The following GNG7 variants were observed in gnomAD, a reference collection of about 807,000 sequenced individuals.
GNG7 encodes guanine nucleotide-binding protein G(I)/G(S)/G(O) subunit gamma-7.
In GNG7, 1 loss-of-function variant was observed where a neutral mutation model predicts 4.0. The observed-to-expected ratio is 0.25, with a 90% confidence interval of 0.09 to 1.18. GNG7 has a LOEUF of 1.18. GNG7 is among the 50% of genes most tolerant of loss of function. The pLI is 0.50. For missense variants in GNG7, 86 were observed against 91.9 expected (o/e 0.94, Z 0.26); for synonymous variants, 34 against 36.9 (o/e 0.92, Z 0.29).
chr19:2,685,264 G>T (rs915141368), intron 1 of GNG7, among the ~76,000 whole-genome samples: 2 of 152,128 alleles, frequency 1.3e-5, no homozygotes, highest in African/African-American at 4.8e-5. Flanking sequence ...ACAGTGGTTG[G>T]TTAAATGTAC....
At chr19:2,575,635 A>T in intron 2 of GNG7, among the ~76,000 whole-genome samples, 2 of 119,582 alleles carry the variant, frequency 1.7e-5, no homozygotes, top group South Asian at 3.0e-4. Context: ...GCAGGCACAC[A>T]CAGGCACACG....
In GNG7 at chr19:2,653,150, C is replaced by G. The variant is rs919045350; in HGVS notation, c.-134-6870G>C. Among the ~76,000 whole-genome samples, 2 of 152,054 alleles carry G rather than the reference C, an allele frequency of 1.3e-5. No homozygotes were observed. Among genetic ancestry groups the G allele is most frequent in the African/African-American group, 4.8e-5 (2 of 41,406 alleles). ...TAGAAACTGAAAACAAAAACCAGGC[C>G]TCACCCACAGTGTCGAAGGCATGCA... On this transcript the variant is annotated intron_variant, in intron 1 of 4. Coordinates refer to ENST00000382159, the MANE Select transcript of GNG7 (RefSeq NM_052847.3). This position sits in a 1 kb window ranked among gnomAD's most constrained non-coding sequence, Gnocchi z 4.8.
chr19:2,520,512 G>A (rs558894525), intron 4 of GNG7, 96 bp downstream of exon 4: 46 of 685,142 alleles, frequency 6.7e-5, no homozygotes, highest in Non-Finnish European at 1.0e-4. Context: ...CACAGTTGGG[G>A]TGCAAGCCTC....
chr19:2,674,278 A>T (rs1285304138), intron 1 of GNG7, among the ~76,000 whole-genome samples: 2 of 131,170 alleles, frequency 1.5e-5, no homozygotes, highest in African/African-American at 5.5e-5. Context: ...AACAAAACAA[A>T]CAAGAAAAAA....
At chr19:2,580,752 A>T (rs1287615979) in intron 2 of GNG7, among the ~76,000 whole-genome samples, 2 of 150,044 alleles carry the variant, frequency 1.3e-5, no homozygotes, top group East Asian at 3.9e-4. Flanking sequence ...AGGTGCCACC[A>T]AGCCCAGTTA....
chr19:2,568,162 T>TACATACACAC (rs1469090956), intron 2 of GNG7, among the ~76,000 whole-genome samples: 1 of 127,618 alleles, frequency 7.8e-6, no homozygotes, highest in Admixed American at 7.4e-5. Flanking sequence ...CACATACACA[T>TACATACACAC]ACATACACAC....
chr19:2,698,390 C>A (rs1913322274), intron 1 of GNG7, among the ~76,000 whole-genome samples: 1 of 151,498 alleles, frequency 6.6e-6, no homozygotes, highest in Admixed American at 6.6e-5. Flanking sequence ...ATGGTGAAAC[C>A]CCGTCTCTAC....
At chr19:2,675,377 G>C (rs1208780864) in intron 1 of GNG7, among the ~76,000 whole-genome samples, 1 of 152,224 alleles carries the variant, frequency 6.6e-6, no homozygotes, top group African/African-American at 2.4e-5. Context: ...GGAAGGGACA[G>C]CTTCGTGACC....
At chr19:2,544,812 A>C (rs766821975) in intron 3 of GNG7, among the ~76,000 whole-genome samples, 1 of 151,972 alleles carries the variant, frequency 6.6e-6, no homozygotes, top group Non-Finnish European at 1.5e-5. Flanking sequence ...GGTGGAGGCC[A>C]GGGGCGCTGC....
At chr19:2,696,895 C>T (rs773524901) in intron 1 of GNG7, among the ~76,000 whole-genome samples, 3 of 152,178 alleles carry the variant, frequency 2.0e-5, no homozygotes, top group Non-Finnish European at 2.9e-5. Context: ...GACAGAGTCT[C>T]GCTCTGTTGC....
Position 2,513,215 on chromosome 19 carries a change from C to G in GNG7, c.*1807G>C. On this transcript the variant is annotated 3_prime_UTR_variant, in exon 5 of 5. Coordinates refer to ENST00000382159, the MANE Select transcript of GNG7 (RefSeq NM_052847.3). ...CTCAGGAAGTGAGCCAAGCAGGGAT[C>G]CCCGCCTCACGGGCCTGCACGGAGG... is the stretch of plus-strand genomic sequence containing the variant. 2 of 840,484 alleles carry G rather than the reference C, an allele frequency of 2.4e-6. No individual in the cohort carries two copies. The highest frequency in any genetic ancestry group is 1.4e-6 in the Non-Finnish European group (1 of 697,624). 52.1% of individuals were successfully genotyped at this position (840,484 alleles called of 1,614,324 possible).
chr19:2,696,212 G>A (rs1436167434), intron 1 of GNG7, among the ~76,000 whole-genome samples: 1 of 145,556 alleles, frequency 6.9e-6, no homozygotes, highest in African/African-American at 2.5e-5. Context: ...AGGGGAGAGA[G>A]GGAAGAGAGG....
At chr19:2,535,331 A>G (rs1978701925) in intron 3 of GNG7, among the ~76,000 whole-genome samples, 1 of 151,076 alleles carries the variant, frequency 6.6e-6, no homozygotes. Context: ...TCTACAAAAA[A>G]AAAAAAAAAA....
intron 2 of GNG7, among the ~76,000 whole-genome samples, chr19:2,578,268 T>A (rs1980402079): frequency 6.6e-6 from 1 of 151,704 alleles, no homozygotes. Context: ...CTGGGACAAA[T>A]CCCCCGTTAG....
intron 3 of GNG7, among the ~76,000 whole-genome samples, chr19:2,529,312 G>A (rs1462025305): frequency 6.6e-6 from 1 of 152,170 alleles, no homozygotes; most frequent in East Asian, 1.9e-4. Context: ...CGCCTCCCAG[G>A]TTCAAGCGAT....
intron 1 of GNG7, among the ~76,000 whole-genome samples, chr19:2,663,795 C>T (rs1443794399): frequency 2.0e-5 from 3 of 152,218 alleles, no homozygotes; most frequent in Non-Finnish European, 4.4e-5. Flanking sequence ...AACAAATCCA[C>T]TGGCTTTTAT....
At position 2,633,637 on chromosome 19, in the gene GNG7, C is replaced by T. The variant is rs1052664604; in HGVS notation, c.-78+12587G>A. 2.6e-5 allele frequency among the ~76,000 whole-genome samples: 4 copies of T among 151,716 alleles called. No individual in the cohort carries two copies. Among genetic ancestry groups the T allele is most frequent in the African/African-American group, 4.8e-5 (2 of 41,254 alleles). ...GCCTCAATCAGTAGAGTCAGGTGGTCGCAATAACAGCTCTGAAACGGGGAT... is the reference window on the plus strand; with the variant it reads ...GCCTCAATCAGTAGAGTCAGGTGGTTGCAATAACAGCTCTGAAACGGGGAT... On this transcript the variant is annotated intron_variant, in intron 2 of 4. Coordinates refer to ENST00000382159, the MANE Select transcript of GNG7 (RefSeq NM_052847.3). This position sits in a 1 kb window ranked among gnomAD's most constrained non-coding sequence, Gnocchi z 5.9.
chr19:2,555,699 G>T (rs1189462884), intron 2 of GNG7, among the ~76,000 whole-genome samples: 1 of 152,106 alleles, frequency 6.6e-6, no homozygotes, highest in East Asian at 1.9e-4. Context: ...GGGCAGGAAG[G>T]CCGGGGGTCT....
At chr19:2,649,868 G>A (rs1053587747) in intron 1 of GNG7, among the ~76,000 whole-genome samples, 16 of 139,476 alleles carry the variant, frequency 1.1e-4, no homozygotes, top group Non-Finnish European at 1.7e-4. Context: ...ATCAGCCCCC[G>A]ATCCCCAGCC....
Sources: gnomAD v4.1 joint callset for allele counts (sites outside exome capture counted in the v4.1 genomes callset) on GRCh38, gnomAD v4.1.1 for gene constraint, Gnocchi (gnomAD v3.1) non-coding constraint, MANE v1.5 for transcripts, NCBI Gene and HGNC (gene_info 2026-07-23, HGNC 2026-07-21) for gene names.